The following DCLRE1A variants were observed in gnomAD, a reference collection of about 807,000 sequenced individuals.
DCLRE1A encodes the protein DNA cross-link repair 1A protein.
In DCLRE1A, 64 loss-of-function variants were observed where a neutral mutation model predicts 91.9. The ratio of observed to expected loss-of-function variants is 0.70; its 90% CI spans 0.57 to 0.86. The LOEUF (loss-of-function observed/expected upper bound fraction) is 0.86, where lower values mean the gene tolerates loss of function less well. Among genes scored for constraint, DCLRE1A ranks in the 40% least tolerant of loss-of-function variants. The probability of loss-of-function intolerance (pLI) is 0.00; values close to 1 mark genes in which losing one functional copy is unlikely to be tolerated. For synonymous variants in DCLRE1A, 416 were observed against 431.1 expected (o/e 0.96, Z 0.43); for missense variants, 1,145 against 1,213.3 (o/e 0.94, Z 0.84).
chr10:113,853,228 T>C lies in DCLRE1A; in HGVS notation c.-46A>G. ...CAAGAAGTATTAATCTTAAGTAAAC[T>C]GAAAGTCCATTTCTTGTCACAAACA... On this transcript the variant is annotated 5_prime_UTR_variant, in exon 1 of 9. Coordinates refer to ENST00000361384, the MANE Select transcript of DCLRE1A (RefSeq NM_014881.5). The C allele has an allele frequency of 1.4e-6, 2 of 1,439,840 alleles. No individual in the cohort carries two copies. Among genetic ancestry groups the C allele is most frequent in the Non-Finnish European group, 1.8e-6 (2 of 1,089,126 alleles). 89.2% of individuals were successfully genotyped at this position (1,439,840 alleles called of 1,614,324 possible).
chr10:113,850,313 A>G lies in DCLRE1A; in HGVS notation c.792T>C (p.Phe264=). ...TSQQALQFTD[F]VENDKLVGVA... ...CTCCCACTAGTTTGTCATTCTCAAC[A>G]AAATCTGTAAATTGTAGAGCTTGTT... The change falls in exon 2 of 9, where the codon TTT becomes TTC. Residue 264 remains phenylalanine (F), a synonymous_variant. Transcript: ENST00000361384. 1 of 1,614,244 alleles carries G rather than the reference A, an allele frequency of 6.2e-7. No individual in the cohort carries two copies. The highest frequency in any genetic ancestry group is 1.1e-5 in the South Asian group (1 of 91,088).
In DCLRE1A at chr10:113,847,252, G is replaced by A; in HGVS notation, c.2209C>T (p.His737Tyr). 1.2e-6 allele frequency: 2 copies of A among 1,613,818 alleles called. No homozygotes were observed. The highest frequency in any genetic ancestry group is 1.1e-5 in the South Asian group (1 of 91,046). The change falls in exon 3 of 9, where the codon CAT (histidine) becomes TAT (tyrosine). Residue 737 changes from histidine to tyrosine, a missense_variant. His to Tyr is a moderately conservative substitution (Grantham distance 83). Transcript: ENST00000361384. ...AAGTGTTTAGACAATCCAGCATAAT[G>A]ATCAGAATGAAAATGTGTGAGAAAA... ...AYFLTHFHSDHYAGLSKHFTF... is the reference protein window; with the variant it reads ...AYFLTHFHSDYYAGLSKHFTF...
At chr10:113,844,328 A>C in intron 4 of DCLRE1A, 84 bp from the exon 5 acceptor site, 1 of 1,535,200 alleles carries the variant, frequency 6.5e-7, no homozygotes, top group African/African-American at 1.4e-5. Flanking sequence ...ACAAGTTAGC[A>C]CGCTTTATTA....
chr10:113,845,951 T>C (rs1845531350), intron 3 of DCLRE1A, 148 bp from the exon 4 acceptor site: 2 of 752,138 alleles, frequency 2.7e-6, no homozygotes, highest in Middle Eastern at 2.9e-4. Context: ...GAATTTCCTA[T>C]AATGGCTGTG....
rs1386412780 is a variant in DCLRE1A, at chr10:113,845,714, A to G, written c.2349T>C (p.Gly783=). The change falls in exon 4 of 9, where the codon GGT becomes GGC. Residue 783 remains glycine (G), a synonymous_variant. Transcript: ENST00000361384. ...LPLDTECIVN[G]VKVVLLDANH... The stretch of plus-strand genomic sequence containing the variant: ...TGGCATCAAGCAAAACAACTTTGAC[A>G]CCATTCACAATACATTCAGTGTCCA... 6.2e-7 allele frequency: 1 copy of G among 1,614,028 alleles called. No individual in the cohort carries two copies. Among genetic ancestry groups the G allele is most frequent in the Non-Finnish European group, 8.5e-7 (1 of 1,180,014 alleles).
At chr10:113,842,967 T>C (rs940239236) in intron 5 of DCLRE1A, among the ~76,000 whole-genome samples, 4 of 151,962 alleles carry the variant, frequency 2.6e-5, no homozygotes, top group African/African-American at 4.8e-5. Flanking sequence ...TTGATATTAA[T>C]ATCATTTCTT....
intron 8 of DCLRE1A, 102 bp downstream of exon 8, chr10:113,836,960 T>A: frequency 1.9e-6 from 2 of 1,028,966 alleles, no homozygotes; most frequent in Non-Finnish European, 2.7e-6. Flanking sequence ...ATTATTAAAT[T>A]CTTTGGTGCC....
At position 113,852,811 on chromosome 10, in the gene DCLRE1A, A is replaced by G. The variant is rs1421623094; in HGVS notation, c.372T>C (p.Asn124=). The G allele has an allele frequency of 6.2e-7, 1 of 1,614,098 alleles. No individual in the cohort carries two copies. Among genetic ancestry groups the G allele is most frequent in the African/African-American group, 1.3e-5 (1 of 74,938 alleles). ...TCAATGAGGAAAAAGGCATCTGGCA[A>G]TTTGGACAGTATCCATCATAAACTG... is the stretch of plus-strand genomic sequence containing the variant. The part of the protein sequence containing the change: ...IRPVYDGYCP[N]CQMPFSSLIG... The change falls in exon 1 of 9, where the codon AAT becomes AAC. Residue 124 remains asparagine (N), a synonymous_variant. Coordinates refer to ENST00000361384, the MANE Select transcript of DCLRE1A (RefSeq NM_014881.5).
chr10:113,840,801 T>C (rs1053310786), intron 7 of DCLRE1A, among the ~76,000 whole-genome samples: 1 of 152,222 alleles, frequency 6.6e-6, no homozygotes, highest in Non-Finnish European at 1.5e-5. Flanking sequence ...ATGTATTCAA[T>C]TGCCAGGTGT....
At chr10:113,840,682 C>CAGGAAG (rs1183796787) in intron 7 of DCLRE1A, among the ~76,000 whole-genome samples, 1 of 152,204 alleles carries the variant, frequency 6.6e-6, no homozygotes, top group Non-Finnish European at 1.5e-5. Context: ...TTCCTGTCTC[C>CAGGAAG]ATTGCCTCAC....
At chr10:113,847,876 TGAA>T (rs1254965823) in intron 2 of DCLRE1A, among the ~76,000 whole-genome samples, 1 of 152,078 alleles carries the variant, frequency 6.6e-6, no homozygotes, top group African/African-American at 2.4e-5. Context: ...GGAGCAGTAA[TGAA>T]GAAGAGGTTG....
Position 113,835,309 on chromosome 10 carries a change from ATTCCTGT to A in DCLRE1A, c.2963-4_2965del. The stretch of plus-strand genomic sequence containing the variant: ...GTAGCTGCTGTGTTCACTGTAAGGA[ATTCCTGT>A]AACAAAAAATAAACGAATTTGTACA... On this transcript the variant is annotated splice_acceptor_variant and splice_polypyrimidine_tract_variant and coding_sequence_variant and intron_variant, in exon 9 of 9. Transcript: ENST00000361384. LOFTEE classifies it high-confidence loss of function. 1 of 1,581,498 alleles carries A rather than the reference ATTCCTGT, an allele frequency of 6.3e-7. No individual in the cohort carries two copies. Among genetic ancestry groups the A allele is most frequent in the South Asian group, 1.2e-5 (1 of 84,984 alleles).
chr10:113,835,631 GTTC>G (rs1564840607), intron 8 of DCLRE1A, among the ~76,000 whole-genome samples: 1 of 152,108 alleles, frequency 6.6e-6, no homozygotes, highest in Non-Finnish European at 1.5e-5. Context: ...GCCCCTTGTT[GTTC>G]TTCTGATAGT....
intron 5 of DCLRE1A, among the ~76,000 whole-genome samples, chr10:113,843,902 C>CAA (rs1353981227): frequency 1.3e-5 from 2 of 152,156 alleles, no homozygotes; most frequent in African/African-American, 4.8e-5. Context: ...ATAAATCACA[C>CAA]AAAAAAATGA....
intron 1 of DCLRE1A, among the ~76,000 whole-genome samples, chr10:113,851,282 T>A (rs1845645854): frequency 6.6e-6 from 1 of 152,232 alleles, no homozygotes. Context: ...TGCTATCCTT[T>A]TCTGGGAAAG....
chr10:113,852,720 T>C lies in DCLRE1A; in HGVS notation c.460+3A>G. ...GAAACTACTACGTTTTCTGCAGTCT[T>C]ACCTGTTTCAGAGCGTGGTGGAGAA... On this transcript the variant is annotated splice_donor_region_variant and intron_variant, in intron 1 of 8. Transcript: ENST00000361384. The C allele has an allele frequency of 6.2e-7, 1 of 1,611,686 alleles. No homozygotes were observed. The highest frequency in any genetic ancestry group is 8.5e-7 in the Non-Finnish European group (1 of 1,178,676).
rs1485644477 is a variant in DCLRE1A, at chr10:113,849,160, A to G, written c.1945T>C (p.Cys649Arg). Residue 649 changes from cysteine (C) to arginine (R), a missense_variant, in exon 2 of 9, where the codon TGT becomes CGT. Transcript: ENST00000361384. ...ATAAGGTGATCTGATCTCTTCTGAC[A>G]CGCTCCTTCCTGCAGTGAATTTGAC... ...RKSNSLQEGA[C>R]QKRSDHLINT... 1.5e-5 allele frequency: 25 copies of G among 1,614,002 alleles called. No homozygotes were observed. Among genetic ancestry groups the G allele is most frequent in the Non-Finnish European group, 2.0e-5 (24 of 1,180,026 alleles).
In DCLRE1A at chr10:113,849,296, T is replaced by G; in HGVS notation, c.1809A>C (p.Ala603=). Residue 603 remains alanine, a synonymous_variant, in exon 2 of 9, where the codon GCA becomes GCC. Coordinates refer to ENST00000361384, the MANE Select transcript of DCLRE1A (RefSeq NM_014881.5). ...ATTCTAAATCACTTAAAGATTTTTC[T>G]GCTTTCCTCTTGCACTGCGAGGACC... ...QKRSSQCKRK[A]EKSLSDLEFD... is the part of the protein sequence containing the mutation. The G allele has an allele frequency of 1.2e-6, 2 of 1,614,204 alleles. No individual in the cohort carries two copies. The highest frequency in any genetic ancestry group is 1.7e-6 in the Non-Finnish European group (2 of 1,180,040).
chr10:113,835,436 C>T (rs778628686), intron 8 of DCLRE1A, 124 bp from the exon 9 acceptor site: 3 of 958,264 alleles, frequency 3.1e-6, no homozygotes, highest in Non-Finnish European at 4.4e-6. Flanking sequence ...TCAAAAACCC[C>T]TCAGTGCTTT....
Sources: gnomAD v4.1 joint callset for allele counts (sites outside exome capture counted in the v4.1 genomes callset) on GRCh38, gnomAD v4.1.1 for gene constraint, MANE v1.5 for transcripts, NCBI Gene and HGNC (gene_info 2026-07-23, HGNC 2026-07-21) for gene names.